The following DOCK5 variants were observed in gnomAD, a reference collection of about 807,000 sequenced individuals.
DOCK5 encodes the protein dedicator of cytokinesis 5, also known as dedicator of cytokinesis protein 5.
Under a neutral mutation model 251.8 loss-of-function variants are expected in DOCK5, and 142 were observed. That is an observed-to-expected ratio of 0.56 (90% CI 0.49 to 0.65). DOCK5 has a LOEUF of 0.65. Ranked by LOEUF, DOCK5 falls within the 30% of genes least tolerant of loss-of-function variation. The pLI, the probability that DOCK5 is intolerant of heterozygous loss-of-function variation, is 0.00. For synonymous variants in DOCK5, 842 were observed against 835.5 expected, an observed-to-expected ratio of 1.01 and a Z score of -0.13; for missense variants, 2,111 against 2,312.3, an observed-to-expected ratio of 0.91 and a Z score of 1.79.
intron 20 of DOCK5, among the ~76,000 whole-genome samples, chr8:25,333,027 G>C (rs1329970093): frequency 6.6e-6 from 1 of 152,150 alleles, no homozygotes; most frequent in Non-Finnish European, 1.5e-5. Context: ...TGTGTGCACT[G>C]GTGTGTTTAT....
intron 6 of DOCK5, among the ~76,000 whole-genome samples, chr8:25,294,548 G>A (rs958280317): frequency 6.6e-6 from 1 of 152,112 alleles, no homozygotes; most frequent in Non-Finnish European, 1.5e-5. Flanking sequence ...GGGCACAAAA[G>A]CCTTGAGGGG....
Position 25,391,959 on chromosome 8 carries a change from G to A in DOCK5, c.4419G>A (p.Lys1473=), listed in dbSNP as rs749321041. Residue 1473 remains lysine, a synonymous_variant, in exon 43 of 52, where the codon AAG becomes AAA. Coordinates refer to ENST00000276440, the MANE Select transcript of DOCK5 (RefSeq NM_024940.8). ...CCCGGCCGTTCCGGAAAGGAGAAAA[G>A]GATCCAGACAATGAATTTGCTGTGA... The part of the protein sequence containing the change: ...RYSRPFRKGE[K]DPDNEFATMW... The A allele has an allele frequency of 5.0e-6, 8 of 1,613,704 alleles. No homozygotes were observed. The East Asian group carries it at 1.6e-4, about 31-fold the overall frequency.
At chr8:25,373,467 C>G (rs1287340454) in intron 35 of DOCK5, 151 bp from the exon 36 acceptor site, 3 of 748,160 alleles carry the variant, frequency 4.0e-6, no homozygotes, top group East Asian at 2.8e-5. Flanking sequence ...GATAAATATC[C>G]CCTTTTCTTA....
chr8:25,366,747 A>G, intron 30 of DOCK5, 123 bp from the exon 31 acceptor site: 1 of 652,180 alleles, frequency 1.5e-6, no homozygotes, highest in Non-Finnish European at 2.6e-6. Context: ...AAGAATGTAG[A>G]TTGTATTTTG....
chr8:25,393,638 CA>C (rs1387547482), intron 44 of DOCK5, among the ~76,000 whole-genome samples: 1 of 152,204 alleles, frequency 6.6e-6, no homozygotes, highest in Non-Finnish European at 1.5e-5. Flanking sequence ...GCAATTTCTG[CA>C]CCTAACTAAC....
intron 25 of DOCK5, among the ~76,000 whole-genome samples, chr8:25,344,948 A>G (rs941798230): frequency 6.6e-6 from 1 of 152,212 alleles, no homozygotes; most frequent in Admixed American, 6.5e-5. Flanking sequence ...AGATCTCAGA[A>G]GACATAATAG....
intron 46 of DOCK5, 145 bp downstream of exon 46, chr8:25,400,139 T>A: frequency 1.5e-6 from 1 of 661,012 alleles, no homozygotes; most frequent in East Asian, 2.8e-5. Flanking sequence ...ATCTATGTAT[T>A]TGTTTGCTCG....
chr8:25,186,179 T>C (rs1381403599), intron 1 of DOCK5, among the ~76,000 whole-genome samples: 2 of 152,116 alleles, frequency 1.3e-5, no homozygotes, highest in African/African-American at 4.8e-5. Flanking sequence ...AACAGTCTCA[T>C]ATTTACTATA....
intron 20 of DOCK5, among the ~76,000 whole-genome samples, chr8:25,333,753 A>C (rs896210670): frequency 6.6e-6 from 1 of 152,100 alleles, no homozygotes; most frequent in African/African-American, 2.4e-5. Context: ...GCATCCTTGG[A>C]TTAGAGAAAA....
intron 31 of DOCK5, among the ~76,000 whole-genome samples, chr8:25,367,689 T>C (rs1800800481): frequency 1.3e-5 from 2 of 152,218 alleles, no homozygotes; most frequent in Non-Finnish European, 2.9e-5. Flanking sequence ...AGGACCAATA[T>C]TTATCCCTTT....
In DOCK5 at chr8:25,387,283, G is replaced by A. The variant is rs578089081; in HGVS notation, c.4132-1808G>A. 5.9e-5 allele frequency among the ~76,000 whole-genome samples: 9 copies of A among 151,866 alleles called. No homozygotes were observed. In the South Asian group the frequency reaches 1.7e-3, roughly 28 times the overall value. ...TGCAGCCTTGACCTCCCAGGCTCAGGCAATCCTGCCTCAGCCTCCTGAGGA... is the reference window on the plus strand; with the variant it reads ...TGCAGCCTTGACCTCCCAGGCTCAGACAATCCTGCCTCAGCCTCCTGAGGA... On this transcript the variant is annotated intron_variant, in intron 40 of 51. Transcript: ENST00000276440.
At chr8:25,395,488 GT>G in intron 44 of DOCK5, 54 bp from the exon 45 acceptor site, 1 of 1,560,012 alleles carries the variant, frequency 6.4e-7, no homozygotes. Context: ...ACTTTTTTCA[GT>G]CTTTACTTGG....
At chr8:25,230,010 G>T (rs1369279430) in intron 1 of DOCK5, among the ~76,000 whole-genome samples, 2 of 152,240 alleles carry the variant, frequency 1.3e-5, no homozygotes, top group East Asian at 3.9e-4. Flanking sequence ...AGTGAAAACT[G>T]CAATTGGATC....
At chr8:25,393,316 T>G (rs887893290) in intron 44 of DOCK5, among the ~76,000 whole-genome samples, 1 of 152,228 alleles carries the variant, frequency 6.6e-6, no homozygotes, top group Non-Finnish European at 1.5e-5. Context: ...TTAGTATTGA[T>G]TAAATCTGTT....
chr8:25,213,112 A>G (rs59934325), intron 1 of DOCK5, among the ~76,000 whole-genome samples: 13,993 of 27,748 alleles, frequency 0.5, 5,288 homozygotes, highest in Middle Eastern at 0.75. Flanking sequence ...GTGTGTTGGA[A>G]TGGAAGATGG....
At chr8:25,263,461 G>C (rs999675886) in intron 2 of DOCK5, among the ~76,000 whole-genome samples, 2 of 151,882 alleles carry the variant, frequency 1.3e-5, no homozygotes, top group Non-Finnish European at 2.9e-5. Flanking sequence ...GGGTTCATTC[G>C]AGATTTTTCC....
chr8:25,185,089 G>T, intron 1 of DOCK5, 138 bp downstream of exon 1: 1 of 1,045,134 alleles, frequency 9.6e-7, no homozygotes, highest in Non-Finnish European at 1.2e-6. Flanking sequence ...TGGGAGCCGG[G>T]GACGGTAGGA....
At chr8:25,401,823 A>G (rs112041754) in intron 47 of DOCK5, among the ~76,000 whole-genome samples, 68 of 152,162 alleles carry the variant, frequency 4.5e-4, no homozygotes, top group African/African-American at 1.5e-3. Flanking sequence ...AAATTCTTAC[A>G]TTTTTTCCTA....
chr8:25,220,357 A>G (rs1306800857), intron 1 of DOCK5, among the ~76,000 whole-genome samples: 1 of 152,140 alleles, frequency 6.6e-6, no homozygotes, highest in East Asian at 1.9e-4. Flanking sequence ...TGGACTTCAC[A>G]CTTAACTGCC....
Sources: gnomAD v4.1 joint callset for allele counts (sites outside exome capture counted in the v4.1 genomes callset) on GRCh38, gnomAD v4.1.1 for gene constraint, MANE v1.5 for transcripts, NCBI Gene and HGNC (gene_info 2026-07-23, HGNC 2026-07-21) for gene names.